TRIO: variants seen among roughly 807,000 people sequenced by gnomAD.
TRIO encodes the protein triple functional domain protein.
In TRIO, 58 loss-of-function variants were observed where a neutral mutation model predicts 351.9. That is an observed-to-expected ratio of 0.16 (90% CI 0.13 to 0.21). TRIO has a LOEUF of 0.21. Among genes scored for constraint, TRIO ranks in the 10% least tolerant of loss-of-function variants. TRIO has a pLI of 1.00. For missense variants in TRIO, 3,201 were observed against 4,027.8 expected, an observed-to-expected ratio of 0.79 and a Z score of 5.56; for synonymous variants, 1,758 against 1,595.7, an observed-to-expected ratio of 1.10 and a Z score of -2.42.
chr5:14,187,151 C>G (rs1242183214), intron 1 of TRIO, among the ~76,000 whole-genome samples: 1 of 152,142 alleles, frequency 6.6e-6, no homozygotes, highest in Admixed American at 6.5e-5. Flanking sequence ...TCTGGTCTCT[C>G]TTACGTGTCT....
At chr5:14,427,527 A>G (rs1212967980) in intron 34 of TRIO, among the ~76,000 whole-genome samples, 2 of 151,926 alleles carry the variant, frequency 1.3e-5, no homozygotes, top group African/African-American at 2.4e-5. Context: ...ACCAGAAACG[A>G]CCTCACCCCT....
chr5:14,493,493 T>G lies in TRIO; in HGVS notation c.7880+679T>G, dbSNP rs555323823. 6.6e-5 allele frequency among the ~76,000 whole-genome samples: 10 copies of G among 152,356 alleles called. No homozygotes were observed. The East Asian group carries it at 1.7e-3, about 26-fold the overall frequency. ...TGATGTCTGATGTTACCATTATAATTGTTTTGAGGAACAATGAACTGCACA... is the reference window on the plus strand; with the variant it reads ...TGATGTCTGATGTTACCATTATAATGGTTTTGAGGAACAATGAACTGCACA... On this transcript the variant is annotated intron_variant, in intron 49 of 56. Coordinates refer to ENST00000344204, the MANE Select transcript of TRIO (RefSeq NM_007118.4).
intron 18 of TRIO, among the ~76,000 whole-genome samples, chr5:14,370,851 A>T (rs1745044241): frequency 6.6e-6 from 1 of 152,196 alleles, no homozygotes; most frequent in Non-Finnish European, 1.5e-5. Flanking sequence ...TTTGTCCAGG[A>T]TCTGTTTAGT....
intron 35 of TRIO, among the ~76,000 whole-genome samples, chr5:14,462,258 G>A (rs1265873209): frequency 6.6e-6 from 1 of 152,132 alleles, no homozygotes. Context: ...TGTCCTCTTA[G>A]GAAAACTAAA....
intron 21 of TRIO, among the ~76,000 whole-genome samples, chr5:14,381,474 G>A (rs1168866259): frequency 6.6e-6 from 1 of 152,030 alleles, no homozygotes; most frequent in African/African-American, 2.4e-5. Context: ...TGTGAATACG[G>A]CCATCTCTCT....
chr5:14,308,557 A>G (rs1159237509), intron 8 of TRIO, among the ~76,000 whole-genome samples: 1 of 150,782 alleles, frequency 6.6e-6, no homozygotes, highest in East Asian at 2.0e-4. Context: ...TAATCACCCA[A>G]CCACCCATTC....
At position 14,405,848 on chromosome 5, in the gene TRIO, G is replaced by A; in HGVS notation, c.4717G>A (p.Ala1573Thr). ...PTSDNKIVLK[A>T]SSIENKQDWI... ...TAAGCAACGCTAACACCTTGTTAAG[G>A]CTTCCAGCATAGAGAACAAGCAGGA... The change falls in exon 32 of 57, where the codon GCT becomes ACT. Residue 1573 changes from alanine to threonine, a missense_variant and splice_region_variant. Ala to Thr is a moderately conservative substitution (Grantham distance 58). Around this residue, in one of 19 missense-constraint regions of TRIO, gnomAD observed 136 missense variants for 229.5 expected, o/e 0.59. Transcript: ENST00000344204. 6.2e-7 allele frequency: 1 copy of A among 1,613,728 alleles called. No homozygotes were observed. The highest frequency in any genetic ancestry group is 8.5e-7 in the Non-Finnish European group (1 of 1,179,770).
At chr5:14,259,793 T>C (rs1795236779) in intron 1 of TRIO, among the ~76,000 whole-genome samples, 1 of 151,956 alleles carries the variant, frequency 6.6e-6, no homozygotes, top group African/African-American at 2.4e-5. Context: ...TTTTTTGTTT[T>C]TTTTTTGAGT....
chr5:14,271,755 C>G (rs1409057349), intron 2 of TRIO, among the ~76,000 whole-genome samples: 2 of 152,332 alleles, frequency 1.3e-5, no homozygotes, highest in Admixed American at 1.3e-4. Flanking sequence ...GCATTCTGTG[C>G]TGATCTGTGT....
chr5:14,269,746 C>T (rs558431119), intron 1 of TRIO, among the ~76,000 whole-genome samples: 155 of 152,314 alleles, frequency 1.0e-3, no homozygotes, highest in Non-Finnish European at 1.6e-3. Flanking sequence ...ATGTTCACTC[C>T]TTGACTTCAG....
intron 9 of TRIO, among the ~76,000 whole-genome samples, chr5:14,321,827 A>G (rs1354365956): frequency 2.0e-5 from 3 of 152,106 alleles, no homozygotes; most frequent in African/African-American, 4.8e-5. Context: ...CGTGATAGTG[A>G]ATAAGTCTTG....
intron 9 of TRIO, among the ~76,000 whole-genome samples, chr5:14,320,971 A>G (rs1739825983): frequency 6.6e-6 from 1 of 151,862 alleles, no homozygotes; most frequent in Non-Finnish European, 1.5e-5. Context: ...ATTGCCTTGC[A>G]GCATACACAT....
intron 21 of TRIO, among the ~76,000 whole-genome samples, chr5:14,383,460 G>A (rs78237332): frequency 2.8e-3 from 430 of 152,288 alleles, no homozygotes; most frequent in Middle Eastern, 0.014. Context: ...CTAATAAAGT[G>A]TATATGAAAG....
chr5:14,143,365 C>T lies in TRIO; in HGVS notation c.-361C>T, dbSNP rs908908671. 4.6e-5 allele frequency among the ~76,000 whole-genome samples: 7 copies of T among 151,144 alleles called. No individual in the cohort carries two copies. Among genetic ancestry groups the T allele is most frequent in the African/African-American group, 1.7e-4 (7 of 41,376 alleles). On this transcript the variant is annotated 5_prime_UTR_variant, in exon 1 of 57. Transcript: ENST00000344204. ...CCATTGAAATCAAGATGGAGGCTCG[C>T]GGCAGCCGCCGGCGCCCGTGATCCC... is the stretch of plus-strand genomic sequence containing the variant.
intron 1 of TRIO, among the ~76,000 whole-genome samples, chr5:14,201,109 T>G (rs1791079041): frequency 6.6e-6 from 1 of 151,872 alleles, no homozygotes; most frequent in South Asian, 2.1e-4. Flanking sequence ...AACACAAAAA[T>G]TTTAGCCGGG....
In TRIO at chr5:14,286,380, G is replaced by C. The variant is rs1040018079; in HGVS notation, c.348-491G>C. On this transcript the variant is annotated intron_variant, in intron 3 of 56. Transcript: ENST00000344204. The surrounding 1 kb of genome is among the most constrained non-coding windows in gnomAD (Gnocchi z 4.4). ...TCTCATCATTGCCAGCCATGCTAGT[G>C]GGGGGTCATTTTCAGCACCTGGGGT... Among the ~76,000 whole-genome samples the C allele has an allele frequency of 6.6e-6, 1 of 152,110 alleles. No homozygotes were observed. The highest frequency in any genetic ancestry group is 1.5e-5 in the Non-Finnish European group (1 of 68,024).
rs555617701 is a variant in TRIO, at chr5:14,461,053, A to G, written c.5238A>G (p.Pro1746=). 4 of 1,582,796 alleles carry G rather than the reference A, an allele frequency of 2.5e-6. No homozygotes were observed. Among genetic ancestry groups the G allele is most frequent in the East Asian group, 2.3e-5 (1 of 42,820 alleles). The part of the protein sequence containing the change: ...SLSVSSNDAS[P]PASVASLQPH... ...CCGTCTCCAGCAATGACGCCAGTCC[A>G]CCCGCATCCGTGGCTTCCCTCCAGC... Residue 1746 remains proline, a synonymous_variant, in exon 35 of 57, where the codon CCA becomes CCG. Coordinates refer to ENST00000344204, the MANE Select transcript of TRIO (RefSeq NM_007118.4).
chr5:14,276,712 T>G (rs1392815179), intron 2 of TRIO, among the ~76,000 whole-genome samples: 1 of 152,214 alleles, frequency 6.6e-6, no homozygotes, highest in Non-Finnish European at 1.5e-5. Context: ...TACATTTTAC[T>G]CCTCAAAGCA....
intron 11 of TRIO, among the ~76,000 whole-genome samples, chr5:14,342,001 A>C (rs1741976779): frequency 6.6e-6 from 1 of 152,240 alleles, no homozygotes; most frequent in East Asian, 1.9e-4. Flanking sequence ...CCTCCCAGCC[A>C]CCTGGAGATG....
Sources: gnomAD v4.1 joint callset for allele counts (sites outside exome capture counted in the v4.1 genomes callset) on GRCh38, gnomAD v4.1.1 for gene constraint, gnomAD v4.1.1 regional missense constraint, Gnocchi (gnomAD v3.1) non-coding constraint, MANE v1.5 for transcripts, NCBI Gene and HGNC (gene_info 2026-07-23, HGNC 2026-07-21) for gene names.